SSBP3: variants seen among roughly 807,000 people sequenced by gnomAD.
The protein encoded by SSBP3 is single-stranded DNA-binding protein 3.
A neutral mutation model predicts 69.6 loss-of-function variants in SSBP3; 5 were observed. That is an observed-to-expected ratio of 0.07 (90% confidence interval 0.04 to 0.15). SSBP3 has a LOEUF of 0.15. Among genes scored for constraint, SSBP3 ranks in the 10% least tolerant of loss-of-function variants. SSBP3 has a pLI of 1.00. For missense variants in SSBP3, 312 were observed against 534.0 expected (o/e 0.58, Z 4.10); for synonymous variants, 196 against 193.4 (o/e 1.01, Z -0.11).
chr1:54,308,855 T>A (rs1447513883), intron 4 of SSBP3, among the ~76,000 whole-genome samples: 1 of 151,774 alleles, frequency 6.6e-6, no homozygotes, highest in Non-Finnish European at 1.5e-5. Context: ...CTCTGAAAAC[T>A]AGGACTCTTT....
intron 14 of SSBP3, among the ~76,000 whole-genome samples, chr1:54,233,716 G>A (rs1405443614): frequency 1.3e-5 from 2 of 150,282 alleles, no homozygotes; most frequent in Admixed American, 6.6e-5. Flanking sequence ...AGGGAGGTGG[G>A]GGGGTCAGCC....
At chr1:54,240,122 A>T (rs199887083) in intron 13 of SSBP3, among the ~76,000 whole-genome samples, 1 of 78,038 alleles carries the variant, frequency 1.3e-5, no homozygotes, top group Non-Finnish European at 2.4e-5. Context: ...GCGCGCGCGC[A>T]ACACATGCCC....
At chr1:54,289,717 T>C (rs1423154240) in intron 4 of SSBP3, among the ~76,000 whole-genome samples, 1 of 152,084 alleles carries the variant, frequency 6.6e-6, no homozygotes, top group Non-Finnish European at 1.5e-5. Context: ...GATTATGCTG[T>C]CATTTTAACC....
intron 14 of SSBP3, among the ~76,000 whole-genome samples, chr1:54,234,474 G>C (rs995052236): frequency 6.6e-6 from 1 of 152,106 alleles, no homozygotes; most frequent in African/African-American, 2.4e-5. Flanking sequence ...TGTAGTCCCA[G>C]CTACTCAGGA....
Position 54,338,813 on chromosome 1 carries a change from C to A in SSBP3, c.277-57286G>T, listed in dbSNP as rs147472721. Among the ~76,000 whole-genome samples the A allele has an allele frequency of 2.8e-4, 42 of 152,302 alleles. 1 individual carries two copies. The East Asian group carries it at 6.0e-3, about 22-fold the overall frequency. The stretch of plus-strand genomic sequence containing the variant: ...AGAGAGTGACACCCCTAACAAACAG[C>A]CCCAGCCTCCTACATCTGGACCAGC... On this transcript the variant is annotated intron_variant, in intron 4 of 17. Coordinates refer to ENST00000610401, the Ensembl canonical transcript of SSBP3.
At chr1:54,373,700 G>T (rs573466020) in intron 4 of SSBP3, among the ~76,000 whole-genome samples, 3 of 151,778 alleles carry the variant, frequency 2.0e-5, no homozygotes, top group African/African-American at 7.3e-5. Flanking sequence ...CCGGGAGGTG[G>T]AAGCTGCAGG....
intron 4 of SSBP3, among the ~76,000 whole-genome samples, chr1:54,361,108 A>C (rs1486948914): frequency 6.6e-6 from 1 of 152,020 alleles, no homozygotes; most frequent in Non-Finnish European, 1.5e-5. Flanking sequence ...GAACTAACTA[A>C]GATAATGCAT....
At chr1:54,278,330 T>C (rs879480204) in intron 5 of SSBP3, among the ~76,000 whole-genome samples, 59 of 152,184 alleles carry the variant, frequency 3.9e-4, no homozygotes, top group Middle Eastern at 3.4e-3. Flanking sequence ...TTAGGGCTTT[T>C]TTTTTTTTTA....
chr1:54,282,563 C>A (rs1462166454), intron 4 of SSBP3, among the ~76,000 whole-genome samples: 1 of 152,246 alleles, frequency 6.6e-6, no homozygotes, highest in African/African-American at 2.4e-5. Flanking sequence ...CCAGCCTGGC[C>A]TCCTTCCAAA....
At chr1:54,300,836 T>A (rs949971835) in intron 4 of SSBP3, among the ~76,000 whole-genome samples, 1 of 152,214 alleles carries the variant, frequency 6.6e-6, no homozygotes, top group Non-Finnish European at 1.5e-5. Context: ...CCATTTTTTT[T>A]ATTTCAGAGA....
rs550766154 is a variant in SSBP3 at position 54,386,233 on chromosome 1, C to T, written c.276+15628G>A. ...GGTTACAGCTTCAACCCCTCGCTCC[C>T]CACAGAAGGAGGGGTTTCCTTTGTG... On this transcript the variant is annotated intron_variant, in intron 4 of 17. Coordinates refer to ENST00000610401, the Ensembl canonical transcript of SSBP3. Among the ~76,000 whole-genome samples the T allele has an allele frequency of 1.1e-4, 17 of 152,334 alleles. No individual in the cohort carries two copies. The East Asian group carries it at 2.5e-3, about 22-fold the overall frequency.
chr1:54,310,669 G>GGCAAGA (rs983250966), intron 4 of SSBP3, among the ~76,000 whole-genome samples: 4 of 147,488 alleles, frequency 2.7e-5, no homozygotes, highest in African/African-American at 9.9e-5. Flanking sequence ...CCCAGACCAG[G>GGCAAGA]GCAAGAGCAA....
chr1:54,403,276 C>A (rs1649436648), intron 3 of SSBP3, among the ~76,000 whole-genome samples: 1 of 152,176 alleles, frequency 6.6e-6, no homozygotes, highest in Non-Finnish European at 1.5e-5. Context: ...CAGAGGGGGG[C>A]TGGAGAACAT....
chr1:54,285,937 A>G (rs1430444042), intron 4 of SSBP3, among the ~76,000 whole-genome samples: 3 of 152,108 alleles, frequency 2.0e-5, no homozygotes, highest in African/African-American at 7.2e-5. Context: ...GTGTCCAATG[A>G]TGGTGTTAGA....
In SSBP3 at chr1:54,281,433, C is replaced by A; in HGVS notation, c.366+5G>T. The stretch of plus-strand genomic sequence containing the variant: ...GAGCACAAGACCCACGGGCCCCGCA[C>A]GTACCTGAAAGAAACCTGGCGGGAT... On this transcript the variant is annotated splice_donor_5th_base_variant and intron_variant, in intron 5 of 17. Transcript: ENST00000610401. 1 of 1,557,256 alleles carries A rather than the reference C, an allele frequency of 6.4e-7. No homozygotes were observed. Among genetic ancestry groups the A allele is most frequent in the East Asian group, 2.4e-5 (1 of 41,322 alleles).
intron 4 of SSBP3, among the ~76,000 whole-genome samples, chr1:54,350,767 T>A (rs931110573): frequency 6.6e-6 from 1 of 151,782 alleles, no homozygotes; most frequent in African/African-American, 2.4e-5. Context: ...ACCATGACCA[T>A]CCAAAAATCA....
At chr1:54,296,673 G>T (rs528142351) in intron 4 of SSBP3, among the ~76,000 whole-genome samples, 3 of 152,214 alleles carry the variant, frequency 2.0e-5, no homozygotes, top group African/African-American at 4.8e-5. Flanking sequence ...CACACGACTT[G>T]TGAGGGTCAA....
chr1:54,251,025 T>G (rs897876348), intron 9 of SSBP3, among the ~76,000 whole-genome samples: 1 of 152,272 alleles, frequency 6.6e-6, no homozygotes, highest in East Asian at 1.9e-4. Context: ...GGTCAAAGAA[T>G]CCCGGCTGAA....
At position 54,271,676 on chromosome 1, in the gene SSBP3, A is replaced by AG. The variant is rs556754931; in HGVS notation, c.366+9761dup. Among the ~76,000 whole-genome samples, 347 of 152,278 alleles carry AG rather than the reference A, an allele frequency of 2.3e-3. 1 individual carries two copies. The highest frequency in any genetic ancestry group is 7.7e-3 in the African/African-American group (320 of 41,558). The stretch of plus-strand genomic sequence containing the variant: ...TGCATACAGACCTGGCACTTCATGA[A>AG]GGGTGTGCCCCTCTACCCCACCATG... On this transcript the variant is annotated intron_variant, in intron 5 of 17. Coordinates refer to ENST00000610401, the Ensembl canonical transcript of SSBP3.
Sources: allele counts gnomAD v4.1 joint callset (sites outside exome capture counted in the v4.1 genomes callset), GRCh38; gene constraint gnomAD v4.1.1; transcripts MANE v1.5; gene names NCBI Gene and HGNC (gene_info 2026-07-23, HGNC 2026-07-21).